AVEN: variants seen among roughly 807,000 people sequenced by gnomAD.
The protein encoded by AVEN is cell death regulator Aven.
AVEN carries 41 observed loss-of-function variants against 38.1 expected under a neutral mutation model. The observed-to-expected ratio is 1.08, with a 90% CI of 0.84 to 1.40. The LOEUF is 1.40. Among genes scored for constraint, AVEN ranks in the 40% most tolerant of loss-of-function variants. The pLI is 0.00. For synonymous variants in AVEN, 206 were observed against 171.8 expected, an observed-to-expected ratio of 1.20 and a Z score of -1.56; for missense variants, 605 against 438.8, an observed-to-expected ratio of 1.38 and a Z score of -3.38.
chr15:34,065,710 C>A (rs954748456), intron 4 of AVEN: 1 of 152,154 alleles, frequency 6.6e-6, no homozygotes, highest in East Asian at 1.9e-4. Flanking sequence ...TAATTGAAAT[C>A]TCTAAGTGCG....
intron 2 of AVEN, among the ~76,000 whole-genome samples, chr15:33,935,094 T>C (rs939940267): frequency 1.3e-5 from 2 of 152,176 alleles, no homozygotes; most frequent in Admixed American, 1.3e-4. Context: ...TATGAGTCCA[T>C]GGGACTGATG....
intron 2 of AVEN, among the ~76,000 whole-genome samples, chr15:33,876,596 G>C (rs1340484994): frequency 6.6e-6 from 1 of 151,920 alleles, no homozygotes; most frequent in East Asian, 1.9e-4. Context: ...ATTACATAAA[G>C]CCTCTGAATA....
chr15:33,857,868 G>A, downstream of AVEN: 1 of 1,614,142 alleles, frequency 6.2e-7, no homozygotes, highest in Non-Finnish European at 8.5e-7. Context: ...TACAACAAAA[G>A]CGAAGACGAT....
chr15:33,894,565 T>A (rs1892135526), intron 2 of AVEN, among the ~76,000 whole-genome samples: 1 of 145,312 alleles, frequency 6.9e-6, no homozygotes, highest in African/African-American at 2.6e-5. Flanking sequence ...TCACTAGCAC[T>A]TTGGGAGGCC....
intron 1 of AVEN, among the ~76,000 whole-genome samples, chr15:34,017,951 G>A (rs760128625): frequency 2.0e-5 from 3 of 152,136 alleles, no homozygotes; most frequent in African/African-American, 7.2e-5. Context: ...GGTCTGTGGC[G>A]ATACTGATGT....
downstream of AVEN, chr15:33,858,480 T>G (rs1314810844): frequency 7.0e-6 from 1 of 143,460 alleles, no homozygotes; most frequent in Non-Finnish European, 1.6e-5. Flanking sequence ...GTGCTGGGAT[T>G]ACAGGCGTGA....
rs1394309313 is a variant in AVEN, at chr15:34,063,328, T to A, written n.1231A>T. Reference sequence around the variant, plus strand: ...GGCACTGCCATTGCTGCCTTCTACATCCCTGTTTCTGTCATGACCATCCTC... The same window carrying A: ...GGCACTGCCATTGCTGCCTTCTACAACCCTGTTTCTGTCATGACCATCCTC... On this transcript the variant is annotated non_coding_transcript_exon_variant, in exon 5 of 12. Transcript: ENST00000675287. This position sits in a 1 kb window ranked among gnomAD's most constrained non-coding sequence, Gnocchi z 4.1. 1 of 1,614,128 alleles carries A rather than the reference T, an allele frequency of 6.2e-7. No individual in the cohort carries two copies. The highest frequency in any genetic ancestry group is 2.2e-5 in the East Asian group (1 of 44,876).
At chr15:34,019,216 T>C (rs1271554050) in intron 1 of AVEN, among the ~76,000 whole-genome samples, 1 of 152,256 alleles carries the variant, frequency 6.6e-6, no homozygotes, top group African/African-American at 2.4e-5. Flanking sequence ...TGTGTAGGCC[T>C]AGGCTAATGG....
At chr15:33,857,951 TGCGGGGC>T (rs1567344246), downstream of AVEN, 28 of 1,503,542 alleles carry the variant, frequency 1.9e-5, no homozygotes, top group African/African-American at 4.6e-4. Flanking sequence ...GCCCACCCAC[TGCGGGGC>T]CACCCCGCCC....
chr15:33,944,388 C>A (rs1220824146), intron 2 of AVEN, among the ~76,000 whole-genome samples: 2 of 152,210 alleles, frequency 1.3e-5, no homozygotes, highest in Non-Finnish European at 2.9e-5. Flanking sequence ...TCACAGTTCT[C>A]CTTAATTACC....
intron 2 of AVEN, among the ~76,000 whole-genome samples, chr15:33,923,504 A>G (rs760876841): frequency 6.6e-6 from 1 of 152,226 alleles, no homozygotes; most frequent in Non-Finnish European, 1.5e-5. Context: ...GTTAAATAGT[A>G]ATTACTTTAA....
chr15:33,978,007 A>T (rs909153577), intron 2 of AVEN, among the ~76,000 whole-genome samples: 1 of 94,590 alleles, frequency 1.1e-5, no homozygotes, highest in Non-Finnish European at 1.9e-5. Context: ...GAAGAGAGGA[A>T]GGGAGGGAGG....
chr15:33,862,397 G>C (rs144330439), downstream of AVEN, among the ~76,000 whole-genome samples: 1 of 151,886 alleles, frequency 6.6e-6, no homozygotes, highest in South Asian at 2.1e-4. Flanking sequence ...GGTAGAGAAG[G>C]GGCTTTGCTG....
intron 2 of AVEN, among the ~76,000 whole-genome samples, chr15:33,898,137 C>T (rs753947664): frequency 3.3e-5 from 5 of 151,232 alleles, no homozygotes; most frequent in South Asian, 4.2e-4. Flanking sequence ...TGCAGTGAGC[C>T]GAGATCGCAC....
intron 2 of AVEN, among the ~76,000 whole-genome samples, chr15:34,069,009 C>T (rs1900579192): frequency 6.6e-6 from 1 of 150,990 alleles, no homozygotes; most frequent in African/African-American, 2.4e-5. Flanking sequence ...GACGGGGTTT[C>T]ACCGTGTTAG....
intron 1 of AVEN, among the ~76,000 whole-genome samples, chr15:34,011,160 C>T (rs1333594467): frequency 6.6e-6 from 1 of 152,014 alleles, no homozygotes; most frequent in Non-Finnish European, 1.5e-5. Context: ...CCACTGCACT[C>T]CAGCCTGGGT....
intron 2 of AVEN, among the ~76,000 whole-genome samples, chr15:34,068,812 A>ATTT (rs750452283): frequency 2.0e-4 from 5 of 24,718 alleles, no homozygotes; most frequent in Non-Finnish European, 2.3e-4. Context: ...CCTACAATCC[A>ATTT]ATTTTTTTTT....
At chr15:33,881,104 G>A (rs190474122) in intron 2 of AVEN, among the ~76,000 whole-genome samples, 3 of 152,042 alleles carry the variant, frequency 2.0e-5, no homozygotes. Flanking sequence ...TTTTATTTTA[G>A]TGGAGATTGG....
intron 1 of AVEN, among the ~76,000 whole-genome samples, chr15:34,015,461 G>A (rs1207352990): frequency 6.6e-6 from 1 of 151,622 alleles, no homozygotes; most frequent in Non-Finnish European, 1.5e-5. Flanking sequence ...CAGCCTGGGT[G>A]ACAGAGCGAG....
Sources: allele counts gnomAD v4.1 joint callset (sites outside exome capture counted in the v4.1 genomes callset), GRCh38; gene constraint gnomAD v4.1.1; non-coding constraint Gnocchi (gnomAD v3.1); transcripts MANE v1.5; gene names NCBI Gene and HGNC (gene_info 2026-07-23, HGNC 2026-07-21).